Variants in NBEA observed in about 807,000 individuals in gnomAD.
The protein encoded by NBEA is lysosomal-trafficking regulator 2.
NBEA carries 44 observed loss-of-function variants against 343.4 expected under a neutral mutation model. The ratio of observed to expected loss-of-function variants is 0.13; its 90% CI spans 0.10 to 0.16. The LOEUF is 0.16. Ranked by LOEUF, NBEA falls within the 10% of genes least tolerant of loss-of-function variation. NBEA has a pLI of 1.00. For synonymous variants in NBEA, 1,175 were observed against 1,238.7 expected, an observed-to-expected ratio of 0.95 and a Z score of 1.08; for missense variants, 2,555 against 3,631.3, an observed-to-expected ratio of 0.70 and a Z score of 7.62.
chr13:35,035,975 G>T (rs1335571246), intron 1 of NBEA, among the ~76,000 whole-genome samples: 3 of 151,870 alleles, frequency 2.0e-5, no homozygotes, highest in African/African-American at 7.2e-5. Context: ...TAGTTAGTCT[G>T]TGTCTTTTGA....
intron 1 of NBEA, among the ~76,000 whole-genome samples, chr13:35,007,544 T>A (rs1176870033): frequency 6.6e-6 from 1 of 152,196 alleles, no homozygotes; most frequent in African/African-American, 2.4e-5. Flanking sequence ...CATGCTGGAG[T>A]GCAGTGGCGT....
In NBEA at chr13:35,315,739, T is replaced by C. The variant is rs141107228; in HGVS notation, c.5903+6147T>C. Among the ~76,000 whole-genome samples the C allele has an allele frequency of 3.7e-3, 561 of 152,250 alleles. 3 individuals carry two copies. Among genetic ancestry groups the C allele is most frequent in the African/African-American group, 0.013 (537 of 41,560 alleles). ...AATAGGGGAAAATATACACCATGCA[T>C]TTCTTAGGTTTTTAAGAGGAGAAGC... On this transcript the variant is annotated intron_variant, in intron 36 of 58. Transcript: ENST00000379939.
intron 47 of NBEA, among the ~76,000 whole-genome samples, chr13:35,598,955 C>T (rs2081927071): frequency 6.6e-6 from 1 of 152,168 alleles, no homozygotes; most frequent in African/African-American, 2.4e-5. Flanking sequence ...CTCTCTCTTG[C>T]ATAGCTTATC....
intron 34 of NBEA, among the ~76,000 whole-genome samples, chr13:35,268,379 T>G (rs1279926599): frequency 2.6e-5 from 4 of 151,978 alleles, no homozygotes; most frequent in Non-Finnish European, 5.9e-5. Flanking sequence ...TACTGTTTAA[T>G]GGGTGTAAAG....
At chr13:35,245,351 T>G (rs2031021398) in intron 34 of NBEA, among the ~76,000 whole-genome samples, 1 of 152,038 alleles carries the variant, frequency 6.6e-6, no homozygotes, top group African/African-American at 2.4e-5. Flanking sequence ...TGTTGATGAA[T>G]CCTTTTTTTT....
chr13:35,152,978 A>G (rs1020473548), intron 18 of NBEA, among the ~76,000 whole-genome samples: 1 of 151,114 alleles, frequency 6.6e-6, no homozygotes, highest in Admixed American at 6.6e-5. Flanking sequence ...GTCTACATTC[A>G]TCTCTTTTTA....
chr13:35,333,512 C>G (rs1431504058), intron 36 of NBEA, among the ~76,000 whole-genome samples: 1 of 151,956 alleles, frequency 6.6e-6, no homozygotes, highest in African/African-American at 2.4e-5. Flanking sequence ...GTATCCAGCG[C>G]CTCAGGCATT....
intron 35 of NBEA, among the ~76,000 whole-genome samples, chr13:35,299,868 T>G (rs939778725): frequency 1.3e-5 from 2 of 152,198 alleles, no homozygotes; most frequent in African/African-American, 4.8e-5. Context: ...GCATGTGTTT[T>G]CATGTATCTG....
At chr13:35,178,071 A>G (rs551893790) in intron 28 of NBEA, among the ~76,000 whole-genome samples, 2 of 151,746 alleles carry the variant, frequency 1.3e-5, no homozygotes, top group Non-Finnish European at 3.0e-5. Flanking sequence ...ATAAAAATTC[A>G]GTATCCCTAG....
chr13:35,554,693 AAGTATAGTTTTACTT>A (rs558332365), intron 43 of NBEA, among the ~76,000 whole-genome samples: 27 of 152,294 alleles, frequency 1.8e-4, no homozygotes, highest in Admixed American at 1.6e-3. Context: ...GATTTATCTT[AAGTATAGTTTTACTT>A]TTTTTCTTGT....
At chr13:35,482,396 A>G (rs2076153804) in intron 41 of NBEA, among the ~76,000 whole-genome samples, 1 of 151,468 alleles carries the variant, frequency 6.6e-6, no homozygotes, top group Admixed American at 6.6e-5. Context: ...TTACATTTCA[A>G]TATTTTCACT....
intron 41 of NBEA, among the ~76,000 whole-genome samples, chr13:35,531,668 G>A (rs1422098119): frequency 6.6e-6 from 1 of 152,180 alleles, no homozygotes; most frequent in Non-Finnish European, 1.5e-5. Flanking sequence ...AGAGAAAAGT[G>A]TTAGTGAGCA....
chr13:35,400,352 A>G (rs933579315), intron 38 of NBEA, among the ~76,000 whole-genome samples: 1 of 151,962 alleles, frequency 6.6e-6, no homozygotes, highest in African/African-American at 2.4e-5. Context: ...GTATTAAAAC[A>G]TATATCATAG....
chr13:35,617,308 T>G (rs1297646533), intron 48 of NBEA, among the ~76,000 whole-genome samples: 2 of 152,170 alleles, frequency 1.3e-5, no homozygotes, highest in Non-Finnish European at 2.9e-5. Flanking sequence ...TATACAAAAT[T>G]CTGCATATTC....
chr13:35,631,278 A>G (rs1451752534), intron 49 of NBEA, among the ~76,000 whole-genome samples: 3 of 152,156 alleles, frequency 2.0e-5, no homozygotes, highest in Non-Finnish European at 4.4e-5. Context: ...ACCATGTGGG[A>G]GGCACAATAC....
At chr13:35,521,856 C>T (rs1307317175) in intron 41 of NBEA, among the ~76,000 whole-genome samples, 1 of 152,152 alleles carries the variant, frequency 6.6e-6, no homozygotes, top group Non-Finnish European at 1.5e-5. Context: ...TTGGTACATA[C>T]ATTCCAAAAA....
intron 36 of NBEA, among the ~76,000 whole-genome samples, chr13:35,344,389 A>G (rs1336866697): frequency 1.3e-5 from 2 of 152,052 alleles, no homozygotes; most frequent in African/African-American, 4.8e-5. Flanking sequence ...CCCTTCACAA[A>G]GTAGAAGAAA....
chr13:35,619,742 G>A (rs1316630423), intron 48 of NBEA, among the ~76,000 whole-genome samples: 2 of 152,132 alleles, frequency 1.3e-5, no homozygotes, highest in Non-Finnish European at 2.9e-5. Context: ...TCACTGTCAG[G>A]TGCAGCTTAC....
intron 41 of NBEA, among the ~76,000 whole-genome samples, chr13:35,473,850 C>CT (rs1399320067): frequency 6.6e-6 from 1 of 152,106 alleles, no homozygotes; most frequent in African/African-American, 2.4e-5. Flanking sequence ...TTCATTATGA[C>CT]TTTGTTAAGT....
Sources: gnomAD v4.1 joint callset for allele counts (sites outside exome capture counted in the v4.1 genomes callset) on GRCh38, gnomAD v4.1.1 for gene constraint, MANE v1.5 for transcripts, NCBI Gene and HGNC (gene_info 2026-07-23, HGNC 2026-07-21) for gene names.